The following UTY variants were observed in gnomAD, a reference collection of about 807,000 sequenced individuals.
UTY encodes the protein histone demethylase UTY.
UTY carries 12 observed loss-of-function variants against 32.5 expected under a neutral mutation model. The observed-to-expected ratio is 0.37, with a 90% CI of 0.24 to 0.60. The LOEUF (loss-of-function observed/expected upper bound fraction) is 0.60. UTY is among the 20% of genes least tolerant of loss of function. The pLI is 0.69. For synonymous variants in UTY, 131 were observed against 103.4 expected, an observed-to-expected ratio of 1.27 and a Z score of -1.62; for missense variants, 303 against 299.2, an observed-to-expected ratio of 1.01 and a Z score of -0.09.
intron 27 of UTY, among the ~76,000 whole-genome samples, chrY:13,289,555 C>T: frequency 2.9e-5 from 1 of 33,998 alleles, no homozygotes; most frequent in Non-Finnish European, 7.3e-5. Context: ...ACAACCCTTT[C>T]ATGTGAAATC....
chrY:13,337,461 AC>A (rs2061161727), intron 17 of UTY, among the ~76,000 whole-genome samples: 9 of 33,179 alleles, frequency 2.7e-4, no homozygotes, highest in Admixed American at 2.5e-3. Flanking sequence ...ACTGAAAAAA[AC>A]ATCTCCCTTG....
chrY:13,348,347 C>T (rs2062098520), intron 17 of UTY, among the ~76,000 whole-genome samples: 2 of 33,902 alleles, frequency 5.9e-5, no homozygotes, highest in Non-Finnish European at 1.5e-4. Context: ...AAGATACAGT[C>T]GCCCTTTGTA....
intron 24 of UTY, among the ~76,000 whole-genome samples, chrY:13,303,339 G>C: frequency 3.0e-5 from 1 of 33,442 alleles, no homozygotes; most frequent in Non-Finnish European, 7.4e-5. Flanking sequence ...CACTGCCCAT[G>C]GCAAGGGCTT....
chrY:13,326,848 C>T, intron 18 of UTY, among the ~76,000 whole-genome samples: 1 of 33,567 alleles, frequency 3.0e-5, no homozygotes, highest in Non-Finnish European at 7.4e-5. Context: ...GTTTCATCCT[C>T]AAGACTTGTT....
chrY:13,256,781 T>G lies in UTY; in HGVS notation c.4137+3497A>C, dbSNP rs976738135. The stretch of plus-strand genomic sequence containing the variant: ...ATGCTCAGTTACGACTTCATACAGA[T>G]GAACAACTGATGACTTTATTTTCTC... On this transcript the variant is annotated intron_variant, in intron 28 of 29. Coordinates refer to ENST00000545955, the MANE Select transcript of UTY (RefSeq NM_001258249.2). Among the ~76,000 whole-genome samples, 5 of 33,776 alleles carry G rather than the reference T, an allele frequency of 1.5e-4. No individual in the cohort carries two copies. In the South Asian group the frequency reaches 3.3e-3, roughly 22 times the overall value. 90.6% of individuals were successfully genotyped at this position (33,776 alleles called of 37,273 possible). A position where few individuals can be genotyped will look rare whatever the true frequency, so the allele number is the denominator to read the frequency against.
chrY:13,296,083 C>G, intron 27 of UTY, among the ~76,000 whole-genome samples: 2 of 34,015 alleles, frequency 5.9e-5, no homozygotes, highest in African/African-American at 2.3e-4. Context: ...TGGTAGGCTT[C>G]TGTGTGGCAG....
At chrY:13,428,137 G>A (rs775131795) in intron 4 of UTY, among the ~76,000 whole-genome samples, 1 of 33,090 alleles carries the variant, frequency 3.0e-5, no homozygotes, top group East Asian at 7.9e-4. Flanking sequence ...TTGCAAGTAT[G>A]TTTTCTCATT....
intron 8 of UTY, among the ~76,000 whole-genome samples, chrY:13,374,669 A>G: frequency 3.0e-5 from 1 of 33,607 alleles, no homozygotes; most frequent in Non-Finnish European, 7.4e-5. Flanking sequence ...CACCAGTCCT[A>G]GAATCAGCCA....
chrY:13,402,035 C>T, intron 6 of UTY, among the ~76,000 whole-genome samples: 1 of 33,396 alleles, frequency 3.0e-5, no homozygotes, highest in Non-Finnish European at 7.4e-5. Flanking sequence ...TTGGATGCTA[C>T]GGTAAAATTA....
intron 21 of UTY, among the ~76,000 whole-genome samples, chrY:13,316,277 T>A: frequency 3.0e-5 from 1 of 33,322 alleles, no homozygotes; most frequent in Non-Finnish European, 7.4e-5. Flanking sequence ...CCAAAATTTG[T>A]TCGAGATCCG....
chrY:13,354,888 T>C, intron 17 of UTY, 115 bp downstream of exon 17: 1 of 362,471 alleles, frequency 2.8e-6, no homozygotes, highest in Non-Finnish European at 3.8e-6. Flanking sequence ...ATTACTTAAA[T>C]TACTTTTTAA....
At chrY:13,467,791 A>AT (rs2078058156) in intron 3 of UTY, among the ~76,000 whole-genome samples, 1 of 32,382 alleles carries the variant, frequency 3.1e-5, no homozygotes, top group Non-Finnish European at 7.6e-5. Context: ...AAAAAAAAAA[A>AT]GAAATTAAAA....
At chrY:13,344,650 T>C in intron 17 of UTY, among the ~76,000 whole-genome samples, 2 of 34,142 alleles carry the variant, frequency 5.9e-5, no homozygotes, top group Non-Finnish European at 1.5e-4. Context: ...AATCAGACAA[T>C]GGCCCAGCAT....
chrY:13,287,554 A>T (rs1603308244), intron 27 of UTY, among the ~76,000 whole-genome samples: 4 of 32,081 alleles, frequency 1.2e-4, no homozygotes, highest in Non-Finnish European at 3.0e-4. Context: ...AAAAAAAAAA[A>T]TTTGACACTT....
chrY:13,469,784 G>A (rs988487037), intron 3 of UTY, among the ~76,000 whole-genome samples: 3 of 33,402 alleles, frequency 9.0e-5, no homozygotes, highest in Non-Finnish European at 2.2e-4. Flanking sequence ...TTTCCAAAAT[G>A]TCCACGTTTG....
At chrY:13,309,176 T>C (rs2058864045) in intron 21 of UTY, among the ~76,000 whole-genome samples, 1 of 33,937 alleles carries the variant, frequency 2.9e-5, no homozygotes, top group Non-Finnish European at 7.3e-5. Flanking sequence ...AAACTGTATA[T>C]TATGTAAATT....
At chrY:13,430,191 T>C in intron 4 of UTY, among the ~76,000 whole-genome samples, 2 of 33,791 alleles carry the variant, frequency 5.9e-5, no homozygotes, top group East Asian at 1.5e-3. Context: ...CTTGTGCCAT[T>C]GCCTGGTTTA....
At chrY:13,240,872 T>C (rs2053892407) in intron 28 of UTY, among the ~76,000 whole-genome samples, 1 of 30,965 alleles carries the variant, frequency 3.2e-5, no homozygotes, top group Non-Finnish European at 7.7e-5. Flanking sequence ...CTTGTGCCTA[T>C]AGTCACAGCT....
At chrY:13,442,059 T>G in intron 4 of UTY, among the ~76,000 whole-genome samples, 2 of 33,654 alleles carry the variant, frequency 5.9e-5, no homozygotes, top group Admixed American at 5.4e-4. Flanking sequence ...CATCATTAGG[T>G]TACAAGCAGT....
Sources: allele counts gnomAD v4.1 joint callset (sites outside exome capture counted in the v4.1 genomes callset), GRCh38; gene constraint gnomAD v4.1.1; transcripts MANE v1.5; gene names NCBI Gene and HGNC (gene_info 2026-07-23, HGNC 2026-07-21).